The following STK32B variants were observed in gnomAD, a reference collection of about 807,000 sequenced individuals.
STK32B encodes serine/threonine kinase 32B, also known as serine/threonine-protein kinase 32B.
A neutral mutation model predicts 52.6 loss-of-function variants in STK32B; 43 were observed. That is an observed-to-expected ratio of 0.82 (90% confidence interval 0.64 to 1.05). STK32B has a LOEUF of 1.05. STK32B is among the 50% of genes least tolerant of loss of function. The probability of loss-of-function intolerance (pLI) is 0.00; values close to 1 mark genes in which losing one functional copy is unlikely to be tolerated. For synonymous variants in STK32B, 238 were observed against 204.3 expected, an observed-to-expected ratio of 1.17 and a Z score of -1.41; for missense variants, 621 against 534.6, an observed-to-expected ratio of 1.16 and a Z score of -1.59.
intron 4 of STK32B, among the ~76,000 whole-genome samples, chr4:5,341,244 C>G (rs949572543): frequency 6.6e-6 from 1 of 152,180 alleles, no homozygotes; most frequent in Non-Finnish European, 1.5e-5. Flanking sequence ...GCCTCTAACC[C>G]AAGGTCACAC....
At position 5,065,393 on chromosome 4, in the gene STK32B, GTC is replaced by G. The variant is rs376101453; in HGVS notation, c.52+13482_52+13483del. On this transcript the variant is annotated intron_variant, in intron 1 of 11. Coordinates refer to ENST00000282908, the MANE Select transcript of STK32B (RefSeq NM_018401.3). The stretch of plus-strand genomic sequence containing the variant: ...TCTCCGTGAAGTCTGTGATTCACAT[GTC>G]TCTGGAGAAGGCATTGTTGCCACAA... Among the ~76,000 whole-genome samples, 5 of 152,316 alleles carry G rather than the reference GTC, an allele frequency of 3.3e-5. No individual in the cohort carries two copies. In the East Asian group the frequency reaches 9.6e-4, roughly 29 times the overall value.
chr4:5,255,352 T>G (rs1358847780), intron 3 of STK32B, among the ~76,000 whole-genome samples: 1 of 152,226 alleles, frequency 6.6e-6, no homozygotes, highest in Non-Finnish European at 1.5e-5. Flanking sequence ...AAAGCTCTTG[T>G]ATTATTTTCA....
At chr4:5,420,267 T>G (rs1419716543) in intron 6 of STK32B, among the ~76,000 whole-genome samples, 2 of 152,170 alleles carry the variant, frequency 1.3e-5, no homozygotes, top group African/African-American at 2.4e-5. Context: ...ATAAGTGAAT[T>G]CATTCACTTA....
At position 5,296,470 on chromosome 4, in the gene STK32B, G is replaced by A. The variant is rs868070792; in HGVS notation, c.261-34750G>A. The stretch of plus-strand genomic sequence containing the variant: ...CCTGTATTGGGTGCATATATATTTA[G>A]GATAGTTAGCTCTTCTTGTTGCATT... On this transcript the variant is annotated intron_variant, in intron 3 of 11. Coordinates refer to ENST00000282908, the MANE Select transcript of STK32B (RefSeq NM_018401.3). Among the ~76,000 whole-genome samples, 92 of 152,198 alleles carry A rather than the reference G, an allele frequency of 6.0e-4. 1 individual carries two copies. The highest frequency in any genetic ancestry group is 3.4e-3 in the Middle Eastern group (1 of 294).
At chr4:5,275,687 G>A (rs996939956) in intron 3 of STK32B, among the ~76,000 whole-genome samples, 7 of 151,960 alleles carry the variant, frequency 4.6e-5, no homozygotes, top group African/African-American at 1.5e-4. Flanking sequence ...ACACCTGGGG[G>A]AATGGATGGA....
intron 11 of STK32B, among the ~76,000 whole-genome samples, chr4:5,479,885 G>C (rs1718543862): frequency 6.6e-6 from 1 of 152,120 alleles, no homozygotes; most frequent in Admixed American, 6.5e-5. Flanking sequence ...TAACTACAGA[G>C]AGGCAGGATA....
rs563909010 is a variant in STK32B, at chr4:5,288,380, A to C, written c.261-42840A>C. Among the ~76,000 whole-genome samples the C allele has an allele frequency of 4.6e-5, 7 of 152,276 alleles. No individual in the cohort carries two copies. The South Asian group carries it at 1.2e-3, about 27-fold the overall frequency. ...CCCATCAGCGATGCATGGAGGTTCA[A>C]ATCCTATGTGCACCTGTGTTATTGT... On this transcript the variant is annotated intron_variant, in intron 3 of 11. Coordinates refer to ENST00000282908, the MANE Select transcript of STK32B (RefSeq NM_018401.3).
At chr4:5,228,117 C>A (rs918867362) in intron 3 of STK32B, among the ~76,000 whole-genome samples, 1 of 152,124 alleles carries the variant, frequency 6.6e-6, no homozygotes, top group Non-Finnish European at 1.5e-5. Flanking sequence ...AGTTATTCAG[C>A]ACCTTGAGTA....
intron 3 of STK32B, among the ~76,000 whole-genome samples, chr4:5,230,000 A>G (rs1724142411): frequency 6.6e-6 from 1 of 151,604 alleles, no homozygotes; most frequent in Admixed American, 6.6e-5. Context: ...TTATTTTATT[A>G]TTATTTTTTA....
chr4:5,498,913 C>T (rs770268072), intron 11 of STK32B, 32 bp from the exon 12 acceptor site: 26 of 1,591,262 alleles, frequency 1.6e-5, no homozygotes, highest in East Asian at 2.3e-5. Flanking sequence ...CCCCATGCCG[C>T]ACCACTAACT....
At chr4:5,177,525 A>G (rs1485504625) in intron 3 of STK32B, among the ~76,000 whole-genome samples, 2 of 152,114 alleles carry the variant, frequency 1.3e-5, no homozygotes, top group Non-Finnish European at 2.9e-5. Flanking sequence ...TCAAAGCACA[A>G]TCATGCCTTC....
At chr4:5,482,940 C>T (rs1336062916) in intron 11 of STK32B, among the ~76,000 whole-genome samples, 2 of 152,174 alleles carry the variant, frequency 1.3e-5, no homozygotes, top group African/African-American at 4.8e-5. Flanking sequence ...ATGTAGCCCA[C>T]TTGATCATGG....
chr4:5,113,891 A>C (rs568895433), intron 1 of STK32B, among the ~76,000 whole-genome samples: 3 of 151,102 alleles, frequency 2.0e-5, no homozygotes, highest in Non-Finnish European at 4.4e-5. Context: ...GGATGGTGGC[A>C]GGCAAAAAGA....
intron 2 of STK32B, among the ~76,000 whole-genome samples, chr4:5,157,299 T>TAAAAAA (rs59362249): frequency 3.9e-5 from 4 of 101,558 alleles, no homozygotes; most frequent in South Asian, 6.9e-4. Context: ...TGTGAGGATG[T>TAAAAAA]AAAAAAAAAA....
chr4:5,021,784 T>C, the STK32B span, among the ~76,000 whole-genome samples: 2 of 152,136 alleles, frequency 1.3e-5, no homozygotes, highest in Admixed American at 6.5e-5. Flanking sequence ...GGCCTTCCCA[T>C]TGAGCATGAG....
intron 11 of STK32B, among the ~76,000 whole-genome samples, chr4:5,476,119 C>A (rs1047004019): frequency 1.3e-5 from 2 of 151,950 alleles, no homozygotes; most frequent in African/African-American, 4.8e-5. Flanking sequence ...AAGCTGGTCT[C>A]GATCTCCTGA....
At chr4:5,415,099 G>A (rs1200128780) in intron 5 of STK32B, among the ~76,000 whole-genome samples, 7 of 152,176 alleles carry the variant, frequency 4.6e-5, no homozygotes, top group Non-Finnish European at 1.0e-4. Context: ...TTAGAAATAA[G>A]GGAATAGGAG....
chr4:5,033,533 G>A, the STK32B span, among the ~76,000 whole-genome samples: 286 of 152,334 alleles, frequency 1.9e-3, no homozygotes, highest in Non-Finnish European at 3.4e-3. Context: ...TTGCTGGCAC[G>A]GCAAGCAGTG....
At chr4:5,370,413 C>T (rs1302721129) in intron 4 of STK32B, among the ~76,000 whole-genome samples, 2 of 152,148 alleles carry the variant, frequency 1.3e-5, no homozygotes, top group African/African-American at 4.8e-5. Flanking sequence ...CTAATGACAT[C>T]AATGGGTAAA....
Sources: allele counts gnomAD v4.1 joint callset (sites outside exome capture counted in the v4.1 genomes callset), GRCh38; gene constraint gnomAD v4.1.1; transcripts MANE v1.5; gene names NCBI Gene and HGNC (gene_info 2026-07-23, HGNC 2026-07-21).